Variants in PTPRK observed in about 807,000 individuals in gnomAD.
The protein encoded by PTPRK is protein tyrosine phosphatase receptor type K, also known as receptor-type tyrosine-protein phosphatase kappa.
In PTPRK, 75 loss-of-function variants were observed where a neutral mutation model predicts 178.0. The observed-to-expected ratio is 0.42, with a 90% CI of 0.35 to 0.51. PTPRK has a LOEUF of 0.51. Among genes scored for constraint, PTPRK ranks in the 20% least tolerant of loss-of-function variants. The pLI, the probability that PTPRK is intolerant of heterozygous loss-of-function variation, is 0.02. For synonymous variants in PTPRK, 637 were observed against 620.6 expected, an observed-to-expected ratio of 1.03 and a Z score of -0.39; for missense variants, 1,441 against 1,797.8, an observed-to-expected ratio of 0.80 and a Z score of 3.59.
chr6:128,486,725 C>G (rs1308327528), intron 1 of PTPRK, among the ~76,000 whole-genome samples: 1 of 151,728 alleles, frequency 6.6e-6, no homozygotes, highest in Non-Finnish European at 1.5e-5. Flanking sequence ...TGGCAGTGAG[C>G]TGAGATCGTG....
At chr6:128,138,679 C>T (rs1340006503) in intron 7 of PTPRK, among the ~76,000 whole-genome samples, 1 of 152,064 alleles carries the variant, frequency 6.6e-6, no homozygotes, top group Non-Finnish European at 1.5e-5. Flanking sequence ...ATCAATTTCA[C>T]TTTTTTATAC....
intron 5 of PTPRK, among the ~76,000 whole-genome samples, chr6:128,223,473 A>G (rs1478682333): frequency 6.6e-6 from 1 of 152,040 alleles, no homozygotes; most frequent in Non-Finnish European, 1.5e-5. Context: ...GATATCACCA[A>G]GCTGATATAT....
chr6:128,271,061 TA>T (rs1248655086), intron 3 of PTPRK, among the ~76,000 whole-genome samples: 1 of 151,062 alleles, frequency 6.6e-6, no homozygotes, highest in Admixed American at 6.6e-5. Context: ...TTGAAGGTAT[TA>T]AAAAAAAAGG....
chr6:128,089,218 C>A (rs1786489736), intron 8 of PTPRK, among the ~76,000 whole-genome samples: 1 of 152,198 alleles, frequency 6.6e-6, no homozygotes, highest in Non-Finnish European at 1.5e-5. Context: ...CCTGCCTCGG[C>A]CTCCCAAAGT....
intron 6 of PTPRK, among the ~76,000 whole-genome samples, chr6:128,188,869 C>T (rs952871221): frequency 1.3e-5 from 2 of 152,188 alleles, no homozygotes; most frequent in African/African-American, 4.8e-5. Flanking sequence ...TCAAATCTCC[C>T]TCTGCCTTCC....
chr6:128,003,451 T>C (rs1258853221), intron 15 of PTPRK, among the ~76,000 whole-genome samples: 4 of 151,762 alleles, frequency 2.6e-5, no homozygotes, highest in African/African-American at 9.7e-5. Flanking sequence ...CTCTGTTTAA[T>C]TTAAAAAGCC....
At chr6:128,399,426 C>G (rs1171732977) in intron 1 of PTPRK, among the ~76,000 whole-genome samples, 1 of 152,202 alleles carries the variant, frequency 6.6e-6, no homozygotes, top group Middle Eastern at 3.4e-3. Context: ...CAACCAAACT[C>G]GAGAACTCAA....
chr6:128,247,869 C>T (rs1235945197), intron 3 of PTPRK, among the ~76,000 whole-genome samples: 1 of 152,110 alleles, frequency 6.6e-6, no homozygotes, highest in Non-Finnish European at 1.5e-5. Flanking sequence ...AAAACCTAAC[C>T]CCCCAATCCC....
chr6:127,976,154 A>G (rs1163241864), intron 27 of PTPRK, among the ~76,000 whole-genome samples: 1 of 152,172 alleles, frequency 6.6e-6, no homozygotes. Context: ...GACGTTTAGG[A>G]AGATGAAATT....
At chr6:128,418,028 T>C (rs1344557150) in intron 1 of PTPRK, among the ~76,000 whole-genome samples, 1 of 152,218 alleles carries the variant, frequency 6.6e-6, no homozygotes, top group Non-Finnish European at 1.5e-5. Flanking sequence ...TTATTTTAGA[T>C]GCAAAGATGG....
chr6:128,374,732 A>G (rs1370935686), intron 2 of PTPRK, among the ~76,000 whole-genome samples: 1 of 151,904 alleles, frequency 6.6e-6, no homozygotes, highest in East Asian at 1.9e-4. Context: ...CCCAATGTCT[A>G]CTCTCCACAT....
At chr6:128,137,613 A>G (rs933729883) in intron 7 of PTPRK, among the ~76,000 whole-genome samples, 3 of 152,140 alleles carry the variant, frequency 2.0e-5, no homozygotes, top group African/African-American at 7.2e-5. Flanking sequence ...GGTTGTGTCC[A>G]GGGCTGCTAG....
chr6:128,502,609 G>GA, intron 1 of PTPRK, among the ~76,000 whole-genome samples: 1 of 152,192 alleles, frequency 6.6e-6, no homozygotes, highest in Non-Finnish European at 1.5e-5. Context: ...ACCAGCTCCT[G>GA]AAAGTCAGTT....
Position 128,349,565 on chromosome 6 carries a change from A to G in PTPRK, c.224-27255T>C, listed in dbSNP as rs1384660740. ...CTGCTGTTTTACCACCTTAGTTAAA[A>G]AACAAGCCAGCATATCCTCAGAAGC... On this transcript the variant is annotated intron_variant, in intron 2 of 29. Coordinates refer to ENST00000368226, the MANE Select transcript of PTPRK (RefSeq NM_002844.4). Among the ~76,000 whole-genome samples, 3 of 152,204 alleles carry G rather than the reference A, an allele frequency of 2.0e-5. No individual in the cohort carries two copies. In the East Asian group the frequency reaches 5.8e-4, roughly 29 times the overall value.
At chr6:128,073,601 C>A (rs1011988431) in intron 11 of PTPRK, among the ~76,000 whole-genome samples, 1 of 151,938 alleles carries the variant, frequency 6.6e-6, no homozygotes, top group Non-Finnish European at 1.5e-5. Flanking sequence ...GTCAGGAATT[C>A]CAGAGTTGCT....
At position 128,519,539 on chromosome 6, in the gene PTPRK, C is replaced by T. The variant is rs62426792; in HGVS notation, c.100+720G>A. ...GCGGTGGTTTTGCCCGAGGAGCGGG[C>T]TCCCACGCGCGAGTCAGGCTTCCTC... On this transcript the variant is annotated intron_variant, in intron 1 of 29. Coordinates refer to ENST00000368226, the MANE Select transcript of PTPRK (RefSeq NM_002844.4). The surrounding 1 kb of genome is among the most constrained non-coding windows in gnomAD (Gnocchi z 4.3). Among the ~76,000 whole-genome samples the T allele has an allele frequency of 0.084, 12,727 of 152,260 alleles. 554 individuals carry two copies. Among genetic ancestry groups the T allele is most frequent in the Non-Finnish European group, 0.1 (7,029 of 68,022 alleles).
At chr6:128,012,247 T>C (rs1439628937) in intron 13 of PTPRK, among the ~76,000 whole-genome samples, 1 of 151,040 alleles carries the variant, frequency 6.6e-6, no homozygotes, top group Non-Finnish European at 1.5e-5. Context: ...TTAGTTTGGA[T>C]ATTTTAATCA....
chr6:128,085,059 G>C (rs1785512620), intron 8 of PTPRK: 1 of 152,132 alleles, frequency 6.6e-6, no homozygotes, highest in Non-Finnish European at 1.5e-5. Context: ...CACGAGAGCA[G>C]GATTTATTTC....
chr6:127,978,278 C>A (rs1209934121), intron 25 of PTPRK, among the ~76,000 whole-genome samples: 4 of 152,162 alleles, frequency 2.6e-5, no homozygotes, highest in Non-Finnish European at 4.4e-5. Context: ...TTGTAATAAT[C>A]CCCACATGTC....
Sources: allele counts gnomAD v4.1 joint callset (sites outside exome capture counted in the v4.1 genomes callset), GRCh38; gene constraint gnomAD v4.1.1; non-coding constraint Gnocchi (gnomAD v3.1); transcripts MANE v1.5; gene names NCBI Gene and HGNC (gene_info 2026-07-23, HGNC 2026-07-21).